Variants in CDH5 observed in about 807,000 individuals in gnomAD.
The protein encoded by CDH5 is cadherin-5.
In CDH5, 28 loss-of-function variants were observed where a neutral mutation model predicts 62.0. The ratio of observed to expected loss-of-function variants is 0.45; its 90% CI spans 0.33 to 0.62. The LOEUF is 0.62. Among genes scored for constraint, CDH5 ranks in the 20% least tolerant of loss-of-function variants. The probability of loss-of-function intolerance (pLI) is 0.02; values close to 1 mark genes in which losing one functional copy is unlikely to be tolerated. For missense variants in CDH5, 940 were observed against 1,065.1 expected (o/e 0.88, Z 1.63); for synonymous variants, 464 against 445.8 (o/e 1.04, Z -0.52).
At chr16:66,394,314 G>T (rs1961137299) in intron 7 of CDH5, among the ~76,000 whole-genome samples, 1 of 152,216 alleles carries the variant, frequency 6.6e-6, no homozygotes, top group East Asian at 1.9e-4. Context: ...TACGCCTAAT[G>T]CAAATTTTAC....
intron 1 of CDH5, among the ~76,000 whole-genome samples, chr16:66,376,803 G>A (rs745988169): frequency 3.7e-4 from 57 of 152,114 alleles, no homozygotes; most frequent in Non-Finnish European, 6.6e-4. Context: ...CAGCTGATAC[G>A]TTTCCTCATT....
intron 1 of CDH5, among the ~76,000 whole-genome samples, chr16:66,368,879 AG>A (rs538825292): frequency 1.5e-3 from 222 of 152,340 alleles, no homozygotes; most frequent in African/African-American, 5.1e-3. Context: ...CAGTGATACC[AG>A]GGGAAGGAAT....
At chr16:66,391,136 T>C (rs528601659) in intron 6 of CDH5, among the ~76,000 whole-genome samples, 1 of 152,166 alleles carries the variant, frequency 6.6e-6, no homozygotes, top group African/African-American at 2.4e-5. Flanking sequence ...GTGAGGGGCA[T>C]AAAAAATGCC....
intron 7 of CDH5, among the ~76,000 whole-genome samples, chr16:66,393,911 G>A (rs1012345448): frequency 6.6e-6 from 1 of 152,114 alleles, no homozygotes; most frequent in African/African-American, 2.4e-5. Context: ...CATATCCTAA[G>A]TTTTGGGACT....
rs1240435000 is a variant in CDH5, at chr16:66,386,958, T to G, written c.360T>G (p.Ala120=). ...RENISEYHLT[A]VIVDKDTGEN... is the part of the protein sequence containing the mutation. ...ATATCTCAGAGTACCACCTCACTGCTGTCATTGTGGACAAGGACACTGGCG... is the reference window on the plus strand; with the variant it reads ...ATATCTCAGAGTACCACCTCACTGCGGTCATTGTGGACAAGGACACTGGCG... Residue 120 remains alanine, a synonymous_variant, in exon 3 of 12, where the codon GCT becomes GCG. Transcript: ENST00000341529. 1.2e-6 allele frequency: 2 copies of G among 1,614,108 alleles called. No homozygotes were observed. The highest frequency in any genetic ancestry group is 1.7e-6 in the Non-Finnish European group (2 of 1,180,054).
intron 1 of CDH5, among the ~76,000 whole-genome samples, chr16:66,368,916 C>T (rs1960635724): frequency 6.6e-6 from 1 of 152,204 alleles, no homozygotes; most frequent in South Asian, 2.1e-4. Context: ...GCCTCAGGAG[C>T]TTCACCTCTG....
intron 7 of CDH5, chr16:66,392,621 C>G: frequency 1.8e-6 from 1 of 547,460 alleles, no homozygotes; most frequent in Non-Finnish European, 3.3e-6. Flanking sequence ...TGTCCTCTGT[C>G]CGGCCTTGAA....
chr16:66,368,465 G>A lies in CDH5; in HGVS notation c.-20+1707G>A, dbSNP rs372305766. Among the ~76,000 whole-genome samples the A allele has an allele frequency of 1.6e-4, 24 of 152,308 alleles. No homozygotes were observed. The East Asian group carries it at 3.9e-3, about 24-fold the overall frequency. On this transcript the variant is annotated intron_variant, in intron 1 of 11. Transcript: ENST00000341529. The stretch of plus-strand genomic sequence containing the variant: ...GCTATTGTGTTGCCAAACAAGGGCC[G>A]GACATGAGGGCAGGAAGCCAGCAGG...
chr16:66,400,751 C>T lies in CDH5; in HGVS notation c.1592-20C>T, dbSNP rs1174116874. The T allele has an allele frequency of 6.2e-7, 1 of 1,614,054 alleles. No homozygotes were observed. The highest frequency in any genetic ancestry group is 8.5e-7 in the Non-Finnish European group (1 of 1,180,006). ...CTGTGCAGATGGCAAAGCCTGACTC[C>T]GAGGCCTTGGTGTTTCCAGATAACA... On this transcript the variant is annotated intron_variant, in intron 10 of 11. Coordinates refer to ENST00000341529, the MANE Select transcript of CDH5 (RefSeq NM_001795.5).
rs1961098119 is a variant in CDH5 at position 66,392,200 on chromosome 16, AC to A, written c.1036del (p.Leu346SerfsTer4). The A allele has an allele frequency of 6.2e-7, 1 of 1,613,668 alleles. No individual in the cohort carries two copies. Among genetic ancestry groups the A allele is most frequent in the Non-Finnish European group, 8.5e-7 (1 of 1,179,974 alleles). On this transcript the variant is annotated frameshift_variant, in exon 7 of 12. Coordinates refer to ENST00000341529, the MANE Select transcript of CDH5 (RefSeq NM_001795.5). LOFTEE classifies it high-confidence loss of function. ...GTCGAGGCCACAGACCCCACCATCG[AC>A]CTCCGATACATGAGCCCTCCCGCGG... ...FIVEATDPTI[D>X]LRYMSPPAGN...
At position 66,398,566 on chromosome 16, in the gene CDH5, G is replaced by A; in HGVS notation, c.1591+5G>A. On this transcript the variant is annotated splice_donor_5th_base_variant and intron_variant, in intron 10 of 11. Transcript: ENST00000341529. Reference sequence around the variant, plus strand: ...TTACCCTCACGGATAATCACGGTAGGCATCAAAGTAATCAGTTCAGCTGGG... The same window carrying A: ...TTACCCTCACGGATAATCACGGTAGACATCAAAGTAATCAGTTCAGCTGGG... 1 of 1,422,372 alleles carries A rather than the reference G, an allele frequency of 7.0e-7. No individual in the cohort carries two copies. Among genetic ancestry groups the A allele is most frequent in the East Asian group, 2.3e-5 (1 of 43,876 alleles). 88.1% of individuals were successfully genotyped at this position (1,422,372 alleles called of 1,614,324 possible).
rs140545178 is a variant in CDH5 at position 66,390,419 on chromosome 16, C to T, written c.798C>T (p.Val266=). Reference sequence around the variant, plus strand: ...TTGCATCAGCCAAGTACACATTTGTCGTGCCTGAAGACACCCGTGTGGGCA... The same window carrying T: ...TTGCATCAGCCAAGTACACATTTGTTGTGCCTGAAGACACCCGTGTGGGCA... The part of the protein sequence containing the change: ...PFFTQTKYTF[V]VPEDTRVGTS... Residue 266 remains valine (V), a synonymous_variant, in exon 6 of 12, where the codon GTC becomes GTT. Coordinates refer to ENST00000341529, the MANE Select transcript of CDH5 (RefSeq NM_001795.5). 592 of 1,613,392 alleles carry T rather than the reference C, an allele frequency of 3.7e-4. No individual in the cohort carries two copies. The African/African-American group carries it at 5.5e-3, about 15-fold the overall frequency.
chr16:66,388,797 G>A (rs148930876), intron 4 of CDH5, among the ~76,000 whole-genome samples: 6 of 152,294 alleles, frequency 3.9e-5, no homozygotes, highest in African/African-American at 1.4e-4. Flanking sequence ...AGAGACCTTG[G>A]ACAAATCAAC....
intron 1 of CDH5, chr16:66,376,211 A>G (rs1248050215): frequency 6.6e-6 from 1 of 152,190 alleles, no homozygotes; most frequent in East Asian, 1.9e-4. Flanking sequence ...ATCACCCCAA[A>G]CACACGAGTA....
In CDH5 at chr16:66,403,544, G is replaced by A. The variant is rs904799727; in HGVS notation, c.*375G>A. Reference sequence around the variant, plus strand: ...GGGTCTTTTTCTAGGGTCCCTGAACGCCCTGGTAAGGCTGGTGAGGTCCTG... The same window carrying A: ...GGGTCTTTTTCTAGGGTCCCTGAACACCCTGGTAAGGCTGGTGAGGTCCTG... On this transcript the variant is annotated 3_prime_UTR_variant, in exon 12 of 12. Transcript: ENST00000341529. The surrounding 1 kb of genome is among the most constrained non-coding windows in gnomAD (Gnocchi z 4.3). The A allele has an allele frequency of 1.9e-5, 5 of 262,606 alleles. No homozygotes were observed. Among genetic ancestry groups the A allele is most frequent in the African/African-American group, 8.9e-5 (4 of 44,772 alleles). 16.3% of individuals were successfully genotyped at this position (262,606 alleles called of 1,614,324 possible). A position where few individuals can be genotyped will look rare whatever the true frequency, so the allele number is the denominator to read the frequency against.
intron 10 of CDH5, among the ~76,000 whole-genome samples, chr16:66,398,784 A>G (rs972109227): frequency 2.0e-5 from 3 of 152,198 alleles, no homozygotes; most frequent in African/African-American, 7.2e-5. Context: ...GGGTGAGGTT[A>G]TTTGAGTCTT....
At chr16:66,392,100 C>G in intron 6 of CDH5, 36 bp from the exon 7 acceptor site, 1 of 1,612,878 alleles carries the variant, frequency 6.2e-7, no homozygotes. Flanking sequence ...ATGCTTGGCC[C>G]AGAGCAGGCA....
At chr16:66,386,739 A>G in intron 2 of CDH5, 70 bp from the exon 3 acceptor site, 1 of 1,374,300 alleles carries the variant, frequency 7.3e-7, no homozygotes, top group Admixed American at 2.0e-5. Flanking sequence ...GTGTACACAC[A>G]CTCTCACTCA....
At position 66,392,368 on chromosome 16, in the gene CDH5, C is replaced by A. The variant is rs1384444552; in HGVS notation, c.1202C>A (p.Ala401Asp). Residue 401 changes from alanine (A) to aspartate (D), a missense_variant, in exon 7 of 12, where the codon GCT becomes GAT. Coordinates refer to ENST00000341529, the MANE Select transcript of CDH5 (RefSeq NM_001795.5). ...GTVLAMDPDAARHSIGYSIRR... is the reference protein window; with the variant it reads ...GTVLAMDPDADRHSIGYSIRR... ...GTGCTGGCCATGGACCCTGATGCGG[C>A]TAGGCATAGCATTGGGTAAGGGGGC... The A allele has an allele frequency of 1.7e-5, 27 of 1,614,032 alleles. No individual in the cohort carries two copies. The highest frequency in any genetic ancestry group is 2.3e-5 in the Non-Finnish European group (27 of 1,180,036).
Sources: allele counts gnomAD v4.1 joint callset (sites outside exome capture counted in the v4.1 genomes callset), GRCh38; gene constraint gnomAD v4.1.1; non-coding constraint Gnocchi (gnomAD v3.1); transcripts MANE v1.5; gene names NCBI Gene and HGNC (gene_info 2026-07-23, HGNC 2026-07-21).